SESN1: variants seen among roughly 807,000 people sequenced by gnomAD.
The protein encoded by SESN1 is sestrin-1.
Under a neutral mutation model 59.3 loss-of-function variants are expected in SESN1, and 30 were observed. The ratio of observed to expected loss-of-function variants is 0.51; its 90% confidence interval spans 0.38 to 0.69. The LOEUF is 0.69. Ranked by LOEUF, SESN1 falls within the 30% of genes least tolerant of loss-of-function variation. The pLI is 0.00. For synonymous variants in SESN1, 197 were observed against 219.9 expected (o/e 0.90, Z 0.92); for missense variants, 566 against 673.0 (o/e 0.84, Z 1.76).
Position 108,986,514 on chromosome 6 carries a change from G to A in SESN1, c.*1030C>T, listed in dbSNP as rs1779197572. 2 of 152,630 alleles carry A rather than the reference G, an allele frequency of 1.3e-5. No individual in the cohort carries two copies. The highest frequency in any genetic ancestry group is 4.8e-5 in the African/African-American group (2 of 41,454). The allele number at this position is 152,630 out of a possible 1,614,324, so 9.5% of individuals were successfully genotyped here. ...ACTTCAAAAGCAATTCACGCTTCCAGAATACAAAGTACTTAATACATATTT... is the reference window on the plus strand; with the variant it reads ...ACTTCAAAAGCAATTCACGCTTCCAAAATACAAAGTACTTAATACATATTT... On this transcript the variant is annotated 3_prime_UTR_variant, in exon 10 of 10. Coordinates refer to ENST00000436639, the MANE Select transcript of SESN1 (RefSeq NM_014454.3).
chr6:109,090,102 C>A (rs774340355), intron 1 of SESN1, among the ~76,000 whole-genome samples: 15 of 152,320 alleles, frequency 9.8e-5, no homozygotes, highest in Non-Finnish European at 1.6e-4. Flanking sequence ...CTGAGCATTT[C>A]TTTTATGCTA....
At chr6:109,014,376 AT>A (rs1407375727) in intron 1 of SESN1, among the ~76,000 whole-genome samples, 2 of 152,246 alleles carry the variant, frequency 1.3e-5, no homozygotes, top group Non-Finnish European at 2.9e-5. Context: ...AATTTGTGAC[AT>A]AGAAACTAAA....
At chr6:109,053,786 G>C (rs1019827851) in intron 1 of SESN1, among the ~76,000 whole-genome samples, 1 of 152,112 alleles carries the variant, frequency 6.6e-6, no homozygotes, top group East Asian at 1.9e-4. Flanking sequence ...ACGAACACTC[G>C]CTCAGTTTTG....
intron 1 of SESN1, among the ~76,000 whole-genome samples, chr6:109,017,913 T>G (rs1779952621): frequency 6.6e-6 from 1 of 152,214 alleles, no homozygotes; most frequent in Non-Finnish European, 1.5e-5. Context: ...ATGCCTGTAA[T>G]CTCAGCACTT....
intron 1 of SESN1, among the ~76,000 whole-genome samples, chr6:109,011,316 T>C (rs1368751088): frequency 1.3e-5 from 2 of 152,204 alleles, no homozygotes; most frequent in Non-Finnish European, 2.9e-5. Context: ...TATAGGAAGC[T>C]CCAATTAGGA....
chr6:109,015,139 T>C (rs1380686292), intron 1 of SESN1, among the ~76,000 whole-genome samples: 3 of 152,188 alleles, frequency 2.0e-5, no homozygotes, highest in Non-Finnish European at 4.4e-5. Flanking sequence ...GTAAACATTT[T>C]TGAGGCTTAG....
At chr6:109,028,679 T>A (rs1441523025) in intron 1 of SESN1, among the ~76,000 whole-genome samples, 1 of 152,168 alleles carries the variant, frequency 6.6e-6, no homozygotes, top group South Asian at 2.1e-4. Flanking sequence ...TGATGCCACA[T>A]GGAAGACTGG....
chr6:108,998,421 G>T, intron 5 of SESN1, 92 bp downstream of exon 5: 1 of 1,475,512 alleles, frequency 6.8e-7, no homozygotes, highest in Non-Finnish European at 9.3e-7. Flanking sequence ...GTCTTAACAG[G>T]GTGGGTTTTT....
At chr6:108,993,231 G>C (rs1273842260) in intron 6 of SESN1, among the ~76,000 whole-genome samples, 1 of 152,082 alleles carries the variant, frequency 6.6e-6, no homozygotes, top group African/African-American at 2.4e-5. Context: ...TAATTTTTAA[G>C]ATAACTACAA....
chr6:109,000,719 A>G (rs1022347100), intron 3 of SESN1, 46 bp from the exon 4 acceptor site: 1 of 1,386,490 alleles, frequency 7.2e-7, no homozygotes, highest in Non-Finnish European at 9.5e-7. Context: ...AAAACCTTGA[A>G]CTACATATCC....
rs1358503272 is a variant in SESN1 at position 109,032,419 on chromosome 6, C to T, written c.280-30076G>A. Among the ~76,000 whole-genome samples, 8 of 152,108 alleles carry T rather than the reference C, an allele frequency of 5.3e-5. No individual in the cohort carries two copies. In the South Asian group the frequency reaches 1.7e-3, roughly 32 times the overall value. On this transcript the variant is annotated intron_variant, in intron 1 of 9. Transcript: ENST00000436639. ...AAATCACAAGGTCAGGAATTCAAGA[C>T]CAGCCTGGCCAACATAGTGAAACCC... is the stretch of plus-strand genomic sequence containing the variant.
intron 1 of SESN1, among the ~76,000 whole-genome samples, chr6:109,041,793 C>T (rs1780347842): frequency 1.3e-5 from 2 of 152,214 alleles, no homozygotes; most frequent in South Asian, 4.1e-4. Context: ...GCTAGAACAA[C>T]TAGACAGAAA....
intron 1 of SESN1, among the ~76,000 whole-genome samples, chr6:109,055,585 C>T (rs1280419716): frequency 6.7e-6 from 1 of 148,948 alleles, no homozygotes; most frequent in African/African-American, 2.5e-5. Context: ...CTGCTTGAAC[C>T]TGGGAGGCGG....
intron 2 of SESN1, among the ~76,000 whole-genome samples, chr6:109,002,053 C>G (rs910158720): frequency 6.6e-6 from 1 of 152,146 alleles, no homozygotes; most frequent in Non-Finnish European, 1.5e-5. Context: ...CTTGGCTTTA[C>G]TTGATTAAAT....
intron 1 of SESN1, among the ~76,000 whole-genome samples, chr6:109,042,035 TA>T (rs1411068188): frequency 6.6e-6 from 1 of 151,732 alleles, no homozygotes; most frequent in African/African-American, 2.4e-5. Context: ...TAGAAGTAAA[TA>T]ATAGAAAGAT....
intron 1 of SESN1, among the ~76,000 whole-genome samples, chr6:109,054,066 C>T (rs1380502696): frequency 6.6e-6 from 1 of 151,236 alleles, no homozygotes; most frequent in Non-Finnish European, 1.5e-5. Context: ...CATTTCTTTT[C>T]GTTTTTTCTT....
chr6:109,054,224 G>A (rs1380083448), intron 1 of SESN1, among the ~76,000 whole-genome samples: 1 of 152,032 alleles, frequency 6.6e-6, no homozygotes. Context: ...TGAAAGTTAT[G>A]ATGATGGAAT....
At chr6:109,003,674 G>GC (rs1483918471) in intron 1 of SESN1, among the ~76,000 whole-genome samples, 2 of 152,126 alleles carry the variant, frequency 1.3e-5, no homozygotes, top group Non-Finnish European at 2.9e-5. Context: ...ATTAGAGGAG[G>GC]CACTTAATTC....
chr6:109,058,942 G>A (rs1157534635), intron 1 of SESN1, among the ~76,000 whole-genome samples: 2 of 151,368 alleles, frequency 1.3e-5, no homozygotes, highest in African/African-American at 4.8e-5. Flanking sequence ...GGGTGGGTAG[G>A]GGGGTACCTA....
Sources: allele counts gnomAD v4.1 joint callset (sites outside exome capture counted in the v4.1 genomes callset), GRCh38; gene constraint gnomAD v4.1.1; transcripts MANE v1.5; gene names NCBI Gene and HGNC (gene_info 2026-07-23, HGNC 2026-07-21).